Variants in PACRG observed in about 807,000 individuals in gnomAD.
PACRG encodes parkin coregulated.
Under a neutral mutation model 29.7 loss-of-function variants are expected in PACRG, and 29 were observed. The ratio of observed to expected loss-of-function variants is 0.98; its 90% CI spans 0.73 to 1.33. The LOEUF (loss-of-function observed/expected upper bound fraction) is 1.33. Ranked by LOEUF, PACRG falls within the 40% of genes most tolerant of loss-of-function variation. PACRG has a pLI of 0.00. For synonymous variants in PACRG, 116 were observed against 118.7 expected, an observed-to-expected ratio of 0.98 and a Z score of 0.15; for missense variants, 279 against 316.2, an observed-to-expected ratio of 0.88 and a Z score of 0.89.
intron 2 of PACRG, among the ~76,000 whole-genome samples, chr6:162,978,166 A>G (rs1412523581): frequency 6.6e-6 from 1 of 152,110 alleles, no homozygotes; most frequent in Non-Finnish European, 1.5e-5. Context: ...AATGTTTATA[A>G]CAGCATAAAT....
chr6:163,121,663 C>CTT (rs771976364), intron 4 of PACRG, among the ~76,000 whole-genome samples: 68 of 126,184 alleles, frequency 5.4e-4, no homozygotes, highest in East Asian at 1.2e-3. Flanking sequence ...TCTCGGTAAT[C>CTT]TTTTTTTTTT....
At chr6:162,845,560 A>G (rs1192697337) in intron 2 of PACRG, among the ~76,000 whole-genome samples, 1 of 152,164 alleles carries the variant, frequency 6.6e-6, no homozygotes, top group African/African-American at 2.4e-5. Flanking sequence ...CCTGTGATCA[A>G]TGTCCATTTA....
chr6:163,223,419 GA>G (rs905527056), intron 4 of PACRG, among the ~76,000 whole-genome samples: 2 of 151,988 alleles, frequency 1.3e-5, no homozygotes, highest in African/African-American at 4.8e-5. Flanking sequence ...AAAAATAAAA[GA>G]ATATTAAGGA....
intron 1 of PACRG, among the ~76,000 whole-genome samples, chr6:162,743,673 T>A (rs908604507): frequency 6.6e-6 from 1 of 152,302 alleles, no homozygotes; most frequent in East Asian, 1.9e-4. Context: ...AGTTTTTGAA[T>A]TATTTATTTA....
At chr6:162,738,636 C>T (rs1780347099) in intron 1 of PACRG, among the ~76,000 whole-genome samples, 1 of 152,108 alleles carries the variant, frequency 6.6e-6, no homozygotes, top group African/African-American at 2.4e-5. Context: ...AGGCATAGCA[C>T]TATACTGTAT....
chr6:163,226,458 C>T (rs779840336), intron 4 of PACRG, among the ~76,000 whole-genome samples: 2 of 152,182 alleles, frequency 1.3e-5, no homozygotes, highest in African/African-American at 2.4e-5. Flanking sequence ...CATCACATTG[C>T]GGACTGTAAA....
chr6:163,121,913 C>T lies in PACRG; in HGVS notation c.613+32505C>T, dbSNP rs536486649. Among the ~76,000 whole-genome samples, 93 of 152,126 alleles carry T rather than the reference C, an allele frequency of 6.1e-4. 1 individual carries two copies. In the South Asian group the frequency reaches 0.014, roughly 22 times the overall value. ...TCCTAACCTTGTGATCTGCCTGCCTCGGCCTCCCAAAGTGCTGGGATTACA... is the reference window on the plus strand; with the variant it reads ...TCCTAACCTTGTGATCTGCCTGCCTTGGCCTCCCAAAGTGCTGGGATTACA... On this transcript the variant is annotated intron_variant, in intron 4 of 4. Transcript: ENST00000366888.
At chr6:162,958,677 T>C (rs1800257216) in intron 2 of PACRG, among the ~76,000 whole-genome samples, 1 of 151,538 alleles carries the variant, frequency 6.6e-6, no homozygotes, top group South Asian at 2.1e-4. Flanking sequence ...GGATCCTTTG[T>C]TTATGGAGCT....
intron 4 of PACRG, among the ~76,000 whole-genome samples, chr6:163,137,763 A>G (rs1466487430): frequency 6.6e-6 from 1 of 152,246 alleles, no homozygotes; most frequent in African/African-American, 2.4e-5. Context: ...CGTTTGACAG[A>G]TGGAGAAACT....
intron 3 of PACRG, among the ~76,000 whole-genome samples, chr6:163,073,733 C>A (rs1281053516): frequency 6.6e-6 from 1 of 152,080 alleles, no homozygotes; most frequent in African/African-American, 2.4e-5. Context: ...AACAACTATA[C>A]GAATAAAATC....
intron 1 of PACRG, among the ~76,000 whole-genome samples, chr6:162,756,710 T>C (rs192210766): frequency 6.6e-6 from 1 of 152,296 alleles, no homozygotes; most frequent in Admixed American, 6.5e-5. Context: ...TGTTGTTTTG[T>C]AGTTCCCTTT....
At chr6:163,080,055 C>T (rs763816729) in intron 3 of PACRG, among the ~76,000 whole-genome samples, 9 of 151,800 alleles carry the variant, frequency 5.9e-5, no homozygotes, top group African/African-American at 1.2e-4. Context: ...CCCGCCACCA[C>T]GCCTGGCTAA....
intron 1 of PACRG, among the ~76,000 whole-genome samples, chr6:162,747,998 C>G (rs1232392859): frequency 6.6e-6 from 1 of 152,110 alleles, no homozygotes; most frequent in Admixed American, 6.5e-5. Flanking sequence ...CTGATGTTAG[C>G]ACTTTTCATA....
At position 163,062,000 on chromosome 6, in the gene PACRG, C is replaced by T. The variant is rs1409681086; in HGVS notation, c.292-150C>T. ...CATTGATTCAGGACATGATGACATA[C>T]TTCAGGTCATTAGGGGGATGGGTTA... On this transcript the variant is annotated intron_variant, in intron 2 of 4. Transcript: ENST00000366888. The T allele has an allele frequency of 5.7e-6, 4 of 696,300 alleles. No homozygotes were observed. The African/African-American group carries it at 7.2e-5, about 12-fold the overall frequency. 43.1% of individuals were successfully genotyped at this position (696,300 alleles called of 1,614,324 possible). A position where few individuals can be genotyped will look rare whatever the true frequency, so the allele number is the denominator to read the frequency against.
chr6:163,034,760 G>A (rs572330926), intron 2 of PACRG, among the ~76,000 whole-genome samples: 78 of 152,244 alleles, frequency 5.1e-4, no homozygotes, highest in Non-Finnish European at 9.0e-4. Context: ...ATGGTAGCCA[G>A]AAAAATGTTA....
intron 1 of PACRG, among the ~76,000 whole-genome samples, chr6:162,804,831 A>T (rs1786182001): frequency 6.6e-6 from 1 of 152,198 alleles, no homozygotes; most frequent in Admixed American, 6.5e-5. Context: ...TTATTGAAAT[A>T]CAGTCATGTA....
rs544380912 is a variant in PACRG, at chr6:162,739,444, C to T, written c.156+11053C>T. ...GTACATATTTTCTTGCAGTTAGCGACTTGTCTTTATACTTATTTTTACATC... is the reference window on the plus strand; with the variant it reads ...GTACATATTTTCTTGCAGTTAGCGATTTGTCTTTATACTTATTTTTACATC... On this transcript the variant is annotated intron_variant, in intron 1 of 4. Transcript: ENST00000366888. 5.9e-5 allele frequency among the ~76,000 whole-genome samples: 9 copies of T among 152,220 alleles called. No homozygotes were observed. The East Asian group carries it at 1.5e-3, about 26-fold the overall frequency.
chr6:163,095,108 G>A (rs1051130641), intron 4 of PACRG, among the ~76,000 whole-genome samples: 1 of 152,104 alleles, frequency 6.6e-6, no homozygotes, highest in African/African-American at 2.4e-5. Flanking sequence ...CCTGGGAAGG[G>A]CTCAGGCCTC....
chr6:162,901,962 A>C (rs949174265), intron 2 of PACRG, among the ~76,000 whole-genome samples: 10 of 152,244 alleles, frequency 6.6e-5, no homozygotes, highest in African/African-American at 2.4e-4. Context: ...TGTGTTGGGC[A>C]TAGTAAAGAA....
Sources: gnomAD v4.1 joint callset for allele counts (sites outside exome capture counted in the v4.1 genomes callset) on GRCh38, gnomAD v4.1.1 for gene constraint, MANE v1.5 for transcripts, NCBI Gene and HGNC (gene_info 2026-07-23, HGNC 2026-07-21) for gene names.